LRMDA: variants seen among roughly 807,000 people sequenced by gnomAD.
The protein encoded by LRMDA is leucine-rich melanocyte differentiation-associated protein.
Under a neutral mutation model 29.8 loss-of-function variants are expected in LRMDA, and 18 were observed. The observed-to-expected ratio is 0.60, with a 90% CI of 0.42 to 0.90. LRMDA has a LOEUF of 0.90. Among genes scored for constraint, LRMDA ranks in the 40% least tolerant of loss-of-function variants. LRMDA has a pLI of 0.00. For synonymous variants in LRMDA, 125 were observed against 109.4 expected, an observed-to-expected ratio of 1.14 and a Z score of -0.89; for missense variants, 273 against 273.9, an observed-to-expected ratio of 1.00 and a Z score of 0.02.
intron 2 of LRMDA, among the ~76,000 whole-genome samples, chr10:75,663,570 C>T (rs969355856): frequency 1.3e-5 from 2 of 152,146 alleles, no homozygotes; most frequent in Non-Finnish European, 2.9e-5. Flanking sequence ...TATGTTGAAG[C>T]CCTGGAGATA....
chr10:75,761,726 A>G (rs1363070442), intron 2 of LRMDA, among the ~76,000 whole-genome samples: 1 of 151,974 alleles, frequency 6.6e-6, no homozygotes, highest in Admixed American at 6.6e-5. Flanking sequence ...AAAAAGAAGG[A>G]TATCTAAGAA....
In LRMDA at chr10:76,063,679, C is replaced by G. The variant is rs7099784; in HGVS notation, c.516+4896C>G. Among the ~76,000 whole-genome samples the G allele has an allele frequency of 7.3e-3, 1,104 of 152,228 alleles. 10 individuals are homozygous for G. The highest frequency in any genetic ancestry group is 0.021 in the African/African-American group (856 of 41,526). On this transcript the variant is annotated intron_variant, in intron 5 of 6. Coordinates refer to ENST00000611255, the MANE Select transcript of LRMDA (RefSeq NM_001305581.2). ...AGTACATGCATTTCCAAAAGTCTCT[C>G]TTATTCTTTTCCCCTAAACTGAAAA... is the stretch of plus-strand genomic sequence containing the variant.
chr10:76,532,647 A>G (rs1843247011), intron 6 of LRMDA, among the ~76,000 whole-genome samples: 1 of 152,200 alleles, frequency 6.6e-6, no homozygotes, highest in African/African-American at 2.4e-5. Context: ...AGGGGAAATC[A>G]GAGAAGTCTT....
At chr10:75,818,763 C>T (rs1385186990) in intron 2 of LRMDA, among the ~76,000 whole-genome samples, 1 of 152,198 alleles carries the variant, frequency 6.6e-6, no homozygotes, top group African/African-American at 2.4e-5. Context: ...TTCCACCTCC[C>T]CACCCCTGGG....
chr10:76,383,177 A>G (rs547841337), intron 6 of LRMDA, among the ~76,000 whole-genome samples: 2 of 152,320 alleles, frequency 1.3e-5, no homozygotes, highest in South Asian at 2.1e-4. Context: ...ATCTGAAGAC[A>G]GCGGGCATTA....
At chr10:76,481,983 A>G (rs934563763) in intron 6 of LRMDA, among the ~76,000 whole-genome samples, 2 of 151,884 alleles carry the variant, frequency 1.3e-5, no homozygotes, top group Non-Finnish European at 2.9e-5. Context: ...GTTTCCACCT[A>G]GATTTCCTTC....
intron 6 of LRMDA, among the ~76,000 whole-genome samples, chr10:76,494,500 T>A (rs1471254465): frequency 6.6e-6 from 1 of 151,876 alleles, no homozygotes; most frequent in Non-Finnish European, 1.5e-5. Flanking sequence ...AATTTATCTA[T>A]TTTCTTATTT....
At chr10:75,784,205 A>G (rs1357044812) in intron 2 of LRMDA, among the ~76,000 whole-genome samples, 2 of 152,312 alleles carry the variant, frequency 1.3e-5, no homozygotes, top group East Asian at 3.9e-4. Flanking sequence ...CTTCCGCTTA[A>G]TGGCTATGTG....
At chr10:75,510,017 G>A (rs914677304) in intron 2 of LRMDA, among the ~76,000 whole-genome samples, 2 of 152,210 alleles carry the variant, frequency 1.3e-5, no homozygotes, top group African/African-American at 4.8e-5. Flanking sequence ...AAACAAAAAT[G>A]CCTGGCAGAG....
intron 2 of LRMDA, among the ~76,000 whole-genome samples, chr10:75,728,932 G>T (rs1315953749): frequency 6.6e-6 from 1 of 152,072 alleles, no homozygotes; most frequent in Non-Finnish European, 1.5e-5. Context: ...TCGTGTCTCA[G>T]TCCTGCCCAC....
At chr10:76,196,521 G>A (rs1199114034) in intron 5 of LRMDA, among the ~76,000 whole-genome samples, 1 of 152,186 alleles carries the variant, frequency 6.6e-6, no homozygotes, top group African/African-American at 2.4e-5. Context: ...ATCTCTCCCT[G>A]TGCTACTTCC....
intron 2 of LRMDA, among the ~76,000 whole-genome samples, chr10:75,870,221 G>A (rs1316260569): frequency 1.3e-5 from 2 of 152,198 alleles, no homozygotes; most frequent in Non-Finnish European, 2.9e-5. Flanking sequence ...CACAAATAAA[G>A]TTTTATTGGA....
intron 5 of LRMDA, among the ~76,000 whole-genome samples, chr10:76,225,737 TTTA>T (rs1851944024): frequency 6.7e-6 from 1 of 149,078 alleles, no homozygotes; most frequent in Non-Finnish European, 1.5e-5. Flanking sequence ...TATATATATT[TTTA>T]TTATATTTTA....
intron 2 of LRMDA, among the ~76,000 whole-genome samples, chr10:75,448,408 C>T (rs1302981560): frequency 6.6e-6 from 1 of 152,214 alleles, no homozygotes; most frequent in Non-Finnish European, 1.5e-5. Context: ...CATTATCGTG[C>T]ATGTGAGTGG....
chr10:75,967,028 G>A (rs1309511529), intron 2 of LRMDA, among the ~76,000 whole-genome samples: 1 of 152,236 alleles, frequency 6.6e-6, no homozygotes, highest in East Asian at 1.9e-4. Context: ...ATATGGTAGG[G>A]ACTTTGTAGG....
At chr10:76,005,339 A>G (rs1847631491) in intron 2 of LRMDA, among the ~76,000 whole-genome samples, 1 of 152,196 alleles carries the variant, frequency 6.6e-6, no homozygotes, top group Admixed American at 6.5e-5. Context: ...AAATTCATTG[A>G]TTTACTCAAG....
intron 2 of LRMDA, among the ~76,000 whole-genome samples, chr10:75,788,853 TG>T (rs1176635395): frequency 6.6e-6 from 1 of 152,274 alleles, no homozygotes; most frequent in Non-Finnish European, 1.5e-5. Context: ...TTCCACAGAC[TG>T]GATCTGCTTC....
At chr10:75,936,790 T>C (rs1040786698) in intron 2 of LRMDA, among the ~76,000 whole-genome samples, 3 of 152,210 alleles carry the variant, frequency 2.0e-5, no homozygotes, top group African/African-American at 4.8e-5. Flanking sequence ...TCCACTCTTA[T>C]GACCTCACCA....
intron 2 of LRMDA, among the ~76,000 whole-genome samples, chr10:75,956,341 C>G (rs1479821697): frequency 2.0e-5 from 3 of 152,132 alleles, no homozygotes; most frequent in African/African-American, 7.2e-5. Context: ...GGTCTGTGAA[C>G]TTAAATAAAT....
Sources: gnomAD v4.1 joint callset for allele counts (sites outside exome capture counted in the v4.1 genomes callset) on GRCh38, gnomAD v4.1.1 for gene constraint, MANE v1.5 for transcripts, NCBI Gene and HGNC (gene_info 2026-07-23, HGNC 2026-07-21) for gene names.